Variants in ATP6V1A observed in about 807,000 individuals in gnomAD.
ATP6V1A encodes V-type proton ATPase catalytic subunit A.
Under a neutral mutation model 70.1 loss-of-function variants are expected in ATP6V1A, and 18 were observed. That is an observed-to-expected ratio of 0.26 (90% CI 0.18 to 0.38). The LOEUF is 0.38. ATP6V1A is among the 10% of genes least tolerant of loss of function. ATP6V1A has a pLI of 1.00. For missense variants in ATP6V1A, 424 were observed against 772.4 expected (o/e 0.55, Z 5.35); for synonymous variants, 232 against 253.8 (o/e 0.91, Z 0.82).
At chr3:113,766,706 T>G (rs1028845408) in intron 1 of ATP6V1A, among the ~76,000 whole-genome samples, 2 of 152,202 alleles carry the variant, frequency 1.3e-5, no homozygotes, top group African/African-American at 2.4e-5. Context: ...AGGGTTGGAA[T>G]TAAAATGTGA....
At chr3:113,751,539 A>G (rs1000156275) in intron 1 of ATP6V1A, among the ~76,000 whole-genome samples, 1 of 151,950 alleles carries the variant, frequency 6.6e-6, no homozygotes, top group African/African-American at 2.4e-5. Flanking sequence ...TTTATTTTAA[A>G]TAAATGAAAT....
At chr3:113,787,497 C>G (rs2108032298) in intron 6 of ATP6V1A, among the ~76,000 whole-genome samples, 1 of 152,208 alleles carries the variant, frequency 6.6e-6, no homozygotes, top group South Asian at 2.1e-4. Context: ...TTGGCTTAAG[C>G]CTCTCTGTAA....
At chr3:113,808,486 G>T (rs1166206333) in intron 14 of ATP6V1A, among the ~76,000 whole-genome samples, 1 of 151,834 alleles carries the variant, frequency 6.6e-6, no homozygotes, top group Admixed American at 6.6e-5. Flanking sequence ...TAGAGACAGG[G>T]TTTCACCATG....
chr3:113,757,446 A>C (rs1708657930), intron 1 of ATP6V1A, among the ~76,000 whole-genome samples: 1 of 152,178 alleles, frequency 6.6e-6, no homozygotes, highest in South Asian at 2.1e-4. Context: ...TTGATGTCCA[A>C]ATTATTAGAG....
chr3:113,771,256 TTAAC>T (rs1231787311), intron 1 of ATP6V1A, among the ~76,000 whole-genome samples: 1 of 152,114 alleles, frequency 6.6e-6, no homozygotes, highest in Admixed American at 6.6e-5. Context: ...TGGGATATTT[TTAAC>T]TATTCACAGA....
At chr3:113,806,995 T>C (rs1709282232) in intron 14 of ATP6V1A, among the ~76,000 whole-genome samples, 1 of 151,826 alleles carries the variant, frequency 6.6e-6, no homozygotes, top group African/African-American at 2.4e-5. Flanking sequence ...ATATATATTT[T>C]GTGTGTGTGT....
At chr3:113,765,123 A>T (rs1437562740) in intron 1 of ATP6V1A, among the ~76,000 whole-genome samples, 2 of 152,106 alleles carry the variant, frequency 1.3e-5, no homozygotes, top group Non-Finnish European at 2.9e-5. Flanking sequence ...ATAGTAGCAA[A>T]GTTGTATCGA....
intron 1 of ATP6V1A, among the ~76,000 whole-genome samples, chr3:113,764,682 C>A (rs1348294105): frequency 6.6e-6 from 1 of 151,938 alleles, no homozygotes; most frequent in African/African-American, 2.4e-5. Flanking sequence ...TTCTTTGTAA[C>A]CTGAAATCAG....
chr3:113,796,437 C>T (rs553010864), intron 11 of ATP6V1A, among the ~76,000 whole-genome samples: 6 of 152,254 alleles, frequency 3.9e-5, no homozygotes, highest in African/African-American at 1.4e-4. Flanking sequence ...AGAAGGCATA[C>T]CCACCTTTTT....
intron 1 of ATP6V1A, among the ~76,000 whole-genome samples, chr3:113,747,972 C>G (rs917119111): frequency 1.3e-5 from 2 of 152,156 alleles, no homozygotes; most frequent in South Asian, 2.1e-4. Context: ...AAGGTAGAAT[C>G]AAGTCGAGAT....
At chr3:113,770,621 G>C (rs1708827547) in intron 1 of ATP6V1A, among the ~76,000 whole-genome samples, 2 of 152,098 alleles carry the variant, frequency 1.3e-5, no homozygotes, top group Admixed American at 1.3e-4. Context: ...GGACATTGCA[G>C]TGAGCCAACA....
At chr3:113,757,736 C>T (rs938974488) in intron 1 of ATP6V1A, among the ~76,000 whole-genome samples, 2 of 152,174 alleles carry the variant, frequency 1.3e-5, no homozygotes, top group African/African-American at 4.8e-5. Context: ...TATATTTATT[C>T]TAAATAGACA....
Position 113,778,715 on chromosome 3 carries a change from CTTATTTAT to C in ATP6V1A, c.-13-14_-13-7del. 7.3e-7 allele frequency: 1 copy of C among 1,364,028 alleles called. No homozygotes were observed. The allele number at this position is 1,364,028 out of a possible 1,614,324, so 84.5% of individuals were successfully genotyped here. A position where few individuals can be genotyped will look rare whatever the true frequency, so the allele number is the denominator to read the frequency against. ...TTTGCTTTACGGTTTATAATTATAA[CTTATTTAT>C]TTATTTATTTACTATAGGTAAACTA... On this transcript the variant is annotated intron_variant, in intron 1 of 14. Transcript: ENST00000273398.
intron 1 of ATP6V1A, among the ~76,000 whole-genome samples, chr3:113,768,587 T>A (rs1253370252): frequency 7.0e-6 from 1 of 143,592 alleles, no homozygotes; most frequent in East Asian, 2.1e-4. Flanking sequence ...TCTCATAGCC[T>A]GTATCTTTTT....
At chr3:113,768,645 G>C (rs1050058125) in intron 1 of ATP6V1A, among the ~76,000 whole-genome samples, 1 of 148,710 alleles carries the variant, frequency 6.7e-6, no homozygotes, top group Non-Finnish European at 1.5e-5. Flanking sequence ...GCCCAGGCTG[G>C]AGTGCAGTGG....
intron 7 of ATP6V1A, 41 bp from the exon 8 acceptor site, chr3:113,789,691 C>G (rs1235614680): frequency 2.1e-6 from 3 of 1,460,142 alleles, no homozygotes; most frequent in African/African-American, 1.4e-5. Context: ...AAAATGTTAC[C>G]TTAGAAATTG....
intron 6 of ATP6V1A, 143 bp downstream of exon 6, chr3:113,786,526 T>C: frequency 1.2e-6 from 1 of 834,696 alleles, no homozygotes; most frequent in Middle Eastern, 2.6e-4. Flanking sequence ...TAAATATTTT[T>C]ATCTATTGCT....
intron 1 of ATP6V1A, among the ~76,000 whole-genome samples, chr3:113,771,439 T>C (rs1029875041): frequency 1.6e-5 from 1 of 62,844 alleles, no homozygotes; most frequent in Admixed American, 1.2e-4. Flanking sequence ...CTTTTTTTTT[T>C]TTTTTTTTTT....
intron 8 of ATP6V1A, among the ~76,000 whole-genome samples, chr3:113,792,753 T>A (rs944313523): frequency 7.9e-5 from 12 of 152,230 alleles, no homozygotes; most frequent in Non-Finnish European, 1.8e-4. Context: ...CAAGAGTTTC[T>A]GCTTCTCAAC....
Sources: allele counts gnomAD v4.1 joint callset (sites outside exome capture counted in the v4.1 genomes callset), GRCh38; gene constraint gnomAD v4.1.1; transcripts MANE v1.5; gene names NCBI Gene and HGNC (gene_info 2026-07-23, HGNC 2026-07-21).